Variants in SLCO5A1 observed in about 807,000 individuals in gnomAD.
SLCO5A1 encodes the protein solute carrier organic anion transporter family member 5A1, also known as organic anion transporter polypeptide-related protein 4.
SLCO5A1 carries 39 observed loss-of-function variants against 65.1 expected under a neutral mutation model. That is an observed-to-expected ratio of 0.60 (90% confidence interval 0.46 to 0.78). The LOEUF (loss-of-function observed/expected upper bound fraction) is 0.78, where lower values mean the gene tolerates loss of function less well. Ranked by LOEUF, SLCO5A1 falls within the 30% of genes least tolerant of loss-of-function variation. SLCO5A1 has a pLI of 0.00. For missense variants in SLCO5A1, 1,029 were observed against 1,069.4 expected (o/e 0.96, Z 0.53); for synonymous variants, 438 against 415.7 (o/e 1.05, Z -0.65).
chr8:69,683,739 T>A (rs542749774), intron 6 of SLCO5A1, among the ~76,000 whole-genome samples: 3 of 152,228 alleles, frequency 2.0e-5, no homozygotes, highest in South Asian at 4.1e-4. Context: ...ATTTTTGTAT[T>A]TTCAGTAGAG....
chr8:69,677,353 G>A (rs1813591956), intron 8 of SLCO5A1, among the ~76,000 whole-genome samples: 1 of 152,114 alleles, frequency 6.6e-6, no homozygotes, highest in African/African-American at 2.4e-5. Flanking sequence ...GAAGCCAACT[G>A]GCGATTTGCC....
rs759941349 is a variant in SLCO5A1, at chr8:69,679,558, A to T, written c.1844T>A (p.Val615Glu). 3 of 1,614,218 alleles carry T rather than the reference A, an allele frequency of 1.9e-6. No individual in the cohort carries two copies. The highest frequency in any genetic ancestry group is 1.7e-6 in the Non-Finnish European group (2 of 1,180,044). The change falls in exon 8 of 10, where the codon GTG becomes GAG. Residue 615 changes from valine (V) to glutamate (E), a missense_variant. By Grantham distance (121) the Val-to-Glu change is moderately radical. Around this residue, in one of 3 missense-constraint regions of SLCO5A1, gnomAD observed 124 missense variants for 184.5 expected, o/e 0.67. Coordinates refer to ENST00000260126, the MANE Select transcript of SLCO5A1 (RefSeq NM_030958.3). The stretch of plus-strand genomic sequence containing the variant: ...CACACGGAGCTGACTTCGCTGTCCC[A>T]CGGTGGGTGGAGTGATCACTTGGCG... The part of the protein sequence containing the change: ...QSRQVITPPT[V>E]GQRSQLRVVI...
chr8:69,739,912 T>C (rs1816722657), intron 4 of SLCO5A1, among the ~76,000 whole-genome samples: 1 of 152,180 alleles, frequency 6.6e-6, no homozygotes, highest in Non-Finnish European at 1.5e-5. Context: ...TAGCAGCATA[T>C]TAAAAGCCAA....
At chr8:69,715,281 A>C (rs531837754) in intron 5 of SLCO5A1, among the ~76,000 whole-genome samples, 3 of 152,356 alleles carry the variant, frequency 2.0e-5, no homozygotes, top group Admixed American at 2.0e-4. Context: ...GGAGAATAAG[A>C]GCACCTTATT....
At chr8:69,686,289 C>A (rs1814000370) in intron 6 of SLCO5A1, among the ~76,000 whole-genome samples, 1 of 150,692 alleles carries the variant, frequency 6.6e-6, no homozygotes, top group Non-Finnish European at 1.5e-5. Context: ...AGAACAGTAT[C>A]TTTCTCATAA....
chr8:69,710,036 T>TTTTTTTTTTG (rs398073302), intron 5 of SLCO5A1, among the ~76,000 whole-genome samples: 1 of 148,262 alleles, frequency 6.7e-6, no homozygotes, highest in African/African-American at 2.6e-5. Flanking sequence ...TTTTTTTTTT[T>TTTTTTTTTTG]AGACAGAGTT....
chr8:69,784,605 T>A (rs1219325707), intron 2 of SLCO5A1, among the ~76,000 whole-genome samples: 1 of 151,734 alleles, frequency 6.6e-6, no homozygotes, highest in Non-Finnish European at 1.5e-5. Flanking sequence ...CTAGCCAACA[T>A]GGTGAAACCC....
chr8:69,828,109 A>G (rs537272150), intron 2 of SLCO5A1, among the ~76,000 whole-genome samples: 52 of 152,284 alleles, frequency 3.4e-4, no homozygotes, highest in African/African-American at 1.2e-3. Context: ...TAGGGAAAAT[A>G]ATCTCCATCT....
intron 6 of SLCO5A1, among the ~76,000 whole-genome samples, chr8:69,685,053 TAC>T (rs772194238): frequency 2.6e-5 from 4 of 152,146 alleles, no homozygotes; most frequent in Non-Finnish European, 4.4e-5. Flanking sequence ...TGGTGTCTGA[TAC>T]AAATAAATGC....
chr8:69,809,778 G>A, intron 2 of SLCO5A1, among the ~76,000 whole-genome samples: 1 of 151,990 alleles, frequency 6.6e-6, no homozygotes, highest in East Asian at 1.9e-4. Context: ...GGAAAAGGAA[G>A]GAGTACTTTT....
intron 2 of SLCO5A1, among the ~76,000 whole-genome samples, chr8:69,789,725 A>G (rs189527844): frequency 1.8e-4 from 28 of 152,306 alleles, no homozygotes; most frequent in Admixed American, 1.8e-3. Context: ...GAGATGATAG[A>G]TATGTTAATA....
At chr8:69,749,632 A>C (rs1178078418) in intron 4 of SLCO5A1, among the ~76,000 whole-genome samples, 1 of 152,036 alleles carries the variant, frequency 6.6e-6, no homozygotes, top group South Asian at 2.1e-4. Flanking sequence ...TCAAAAAAAA[A>C]AGAAAAAGAA....
At chr8:69,808,831 G>A (rs570760169) in intron 2 of SLCO5A1, among the ~76,000 whole-genome samples, 6 of 152,214 alleles carry the variant, frequency 3.9e-5, no homozygotes, top group Middle Eastern at 3.4e-3. Flanking sequence ...GGACCCAGGC[G>A]TGGTGGCTCA....
At chr8:69,687,787 T>G (rs1814065801) in intron 6 of SLCO5A1, among the ~76,000 whole-genome samples, 1 of 151,804 alleles carries the variant, frequency 6.6e-6, no homozygotes, top group African/African-American at 2.4e-5. Flanking sequence ...CTGTTTTGTC[T>G]CCTCCTAACA....
At position 69,705,063 on chromosome 8, in the gene SLCO5A1, A is replaced by G. The variant is rs780436866; in HGVS notation, c.1590T>C (p.Asn530=). 1.2e-6 allele frequency: 2 copies of G among 1,613,672 alleles called. No individual in the cohort carries two copies. The highest frequency in any genetic ancestry group is 1.1e-5 in the South Asian group (1 of 91,086). ...TLFIVGCESI[N]LGGINIPYTT... is the part of the protein sequence containing the mutation. ...TATAAGGGATGTTTATGCCCCCTAGATTAATGCTTTCACATCCAACAATAA... is the reference window on the plus strand; with the variant it reads ...TATAAGGGATGTTTATGCCCCCTAGGTTAATGCTTTCACATCCAACAATAA... The change falls in exon 6 of 10, where the codon AAT becomes AAC. Residue 530 remains asparagine (N), a synonymous_variant. Coordinates refer to ENST00000260126, the MANE Select transcript of SLCO5A1 (RefSeq NM_030958.3).
At chr8:69,689,954 A>T (rs1229356468) in intron 6 of SLCO5A1, among the ~76,000 whole-genome samples, 1 of 152,156 alleles carries the variant, frequency 6.6e-6, no homozygotes, top group African/African-American at 2.4e-5. Context: ...CACGATATTG[A>T]TTCTTCCTAC....
At chr8:69,811,012 GGCTCTCT>G (rs1294581009) in intron 2 of SLCO5A1, among the ~76,000 whole-genome samples, 1 of 152,128 alleles carries the variant, frequency 6.6e-6, no homozygotes, top group Non-Finnish European at 1.5e-5. Flanking sequence ...CCAGGGCATT[GGCTCTCT>G]GCTCCTTTAT....
chr8:69,752,825 C>A (rs1048955356), intron 4 of SLCO5A1, among the ~76,000 whole-genome samples: 8 of 152,054 alleles, frequency 5.3e-5, no homozygotes, highest in African/African-American at 1.9e-4. Context: ...ATAATCAAGG[C>A]ATAGGGTAAA....
At chr8:69,676,373 A>G (rs1347108633) in intron 9 of SLCO5A1, among the ~76,000 whole-genome samples, 1 of 152,176 alleles carries the variant, frequency 6.6e-6, no homozygotes, top group African/African-American at 2.4e-5. Flanking sequence ...GTCCAAGTTT[A>G]TGTTCATAAT....
Sources: allele counts gnomAD v4.1 joint callset (sites outside exome capture counted in the v4.1 genomes callset), GRCh38; gene constraint gnomAD v4.1.1; regional missense constraint gnomAD v4.1.1; transcripts MANE v1.5; gene names NCBI Gene and HGNC (gene_info 2026-07-23, HGNC 2026-07-21).